The following PCDH7 variants were observed in gnomAD, a reference collection of about 807,000 sequenced individuals.
PCDH7 encodes the protein protocadherin-7.
A neutral mutation model predicts 58.9 loss-of-function variants in PCDH7; 17 were observed. The observed-to-expected ratio is 0.29, with a 90% CI of 0.20 to 0.43. PCDH7 has a LOEUF of 0.43. PCDH7 is among the 20% of genes least tolerant of loss of function. PCDH7 has a pLI of 1.00. For synonymous variants in PCDH7, 664 were observed against 616.4 expected (o/e 1.08, Z -1.14); for missense variants, 1,274 against 1,441.0 (o/e 0.88, Z 1.88).
chr4:30,995,199 T>C (rs1751781564), intron 3 of PCDH7, among the ~76,000 whole-genome samples: 1 of 152,130 alleles, frequency 6.6e-6, no homozygotes, highest in Non-Finnish European at 1.5e-5. Flanking sequence ...TGACAGTTTA[T>C]ACAAATAAGA....
At chr4:30,828,902 T>TC (rs1281877622) in intron 1 of PCDH7, among the ~76,000 whole-genome samples, 2 of 152,082 alleles carry the variant, frequency 1.3e-5, no homozygotes, top group Admixed American at 6.6e-5. Context: ...ATTTCTTAAC[T>TC]CATTTGCAAT....
At chr4:30,878,757 G>A (rs1224355595) in intron 1 of PCDH7, among the ~76,000 whole-genome samples, 2 of 152,078 alleles carry the variant, frequency 1.3e-5, no homozygotes, top group Non-Finnish European at 2.9e-5. Context: ...GGCTGAGGCA[G>A]GAAAATCGCT....
At chr4:31,024,261 G>A (rs1320437073) in intron 3 of PCDH7, among the ~76,000 whole-genome samples, 1 of 152,062 alleles carries the variant, frequency 6.6e-6, no homozygotes, top group African/African-American at 2.4e-5. Context: ...AAAACCTTCA[G>A]GGTAGATATT....
At chr4:31,110,397 G>A (rs1338978819) in intron 3 of PCDH7, among the ~76,000 whole-genome samples, 2 of 152,078 alleles carry the variant, frequency 1.3e-5, no homozygotes, top group Non-Finnish European at 2.9e-5. Context: ...TTCATTTTTA[G>A]TAATCTTTTC....
intron 3 of PCDH7, among the ~76,000 whole-genome samples, chr4:31,004,673 G>C (rs139795811): frequency 6.6e-6 from 1 of 152,112 alleles, no homozygotes; most frequent in Admixed American, 6.6e-5. Flanking sequence ...GCAACAGAGC[G>C]AAACTCTCAT....
chr4:30,895,144 A>T (rs2109388408), intron 1 of PCDH7, among the ~76,000 whole-genome samples: 1 of 148,252 alleles, frequency 6.7e-6, no homozygotes, highest in African/African-American at 2.5e-5. Context: ...GCAAAAAAAA[A>T]ATAATAATAA....
intron 2 of PCDH7, among the ~76,000 whole-genome samples, chr4:30,949,968 G>A (rs1221553063): frequency 6.6e-6 from 1 of 152,108 alleles, no homozygotes; most frequent in African/African-American, 2.4e-5. Flanking sequence ...TGTTTAGATT[G>A]TCTTTGAAAT....
At chr4:31,056,592 A>G (rs899238932) in intron 3 of PCDH7, among the ~76,000 whole-genome samples, 1 of 149,060 alleles carries the variant, frequency 6.7e-6, no homozygotes, top group Non-Finnish European at 1.5e-5. Context: ...GAAGGGAGGA[A>G]GGAAGGAAAG....
chr4:31,033,108 A>T (rs1305710635), intron 3 of PCDH7, among the ~76,000 whole-genome samples: 1 of 152,162 alleles, frequency 6.6e-6, no homozygotes, highest in Admixed American at 6.5e-5. Flanking sequence ...TGATTTTTTT[A>T]TAAGGCAGTT....
chr4:30,939,389 T>C (rs1294290137), intron 2 of PCDH7, among the ~76,000 whole-genome samples: 1 of 152,186 alleles, frequency 6.6e-6, no homozygotes, highest in African/African-American at 2.4e-5. Flanking sequence ...GTGATACTAC[T>C]GGTAATAAAC....
intron 3 of PCDH7, among the ~76,000 whole-genome samples, chr4:30,996,513 T>C (rs1356814698): frequency 1.3e-5 from 2 of 152,122 alleles, no homozygotes; most frequent in East Asian, 3.9e-4. Context: ...TTTCTTCCCC[T>C]CCGAGAGACT....
At chr4:31,102,125 T>C (rs1714968644) in intron 3 of PCDH7, among the ~76,000 whole-genome samples, 1 of 152,122 alleles carries the variant, frequency 6.6e-6, no homozygotes, top group African/African-American at 2.4e-5. Flanking sequence ...ATTGTTACTG[T>C]AAATGAAAAC....
chr4:30,971,626 G>T (rs1192383416), intron 3 of PCDH7, among the ~76,000 whole-genome samples: 1 of 152,160 alleles, frequency 6.6e-6, no homozygotes, highest in Non-Finnish European at 1.5e-5. Context: ...CTTGTCAGTT[G>T]TTTTAGAACA....
chr4:31,040,987 C>T (rs969448362), intron 3 of PCDH7, among the ~76,000 whole-genome samples: 3 of 151,846 alleles, frequency 2.0e-5, no homozygotes, highest in Non-Finnish European at 4.4e-5. Flanking sequence ...AATATTTGTC[C>T]ACTTTCTGAG....
At chr4:30,730,928 T>A in exon 2 of PCDH7, 1 of 1,340,678 alleles carries the variant, frequency 7.5e-7, no homozygotes, top group Non-Finnish European at 9.6e-7. Context: ...TATTTTTGAG[T>A]CTTTTTCTTT....
At chr4:30,995,294 G>A (rs935444166) in intron 3 of PCDH7, among the ~76,000 whole-genome samples, 6 of 152,074 alleles carry the variant, frequency 3.9e-5, no homozygotes, top group African/African-American at 1.4e-4. Context: ...GAGGCAGGAG[G>A]ATCATGAGGT....
rs1425508508 is a variant in PCDH7, at chr4:30,721,436, G to A, written c.14G>A (p.Arg5Gln). Residue 5 changes from arginine to glutamine, a missense_variant, in exon 1 of 2, where the codon CGG becomes CAG. Transcript: ENST00000361762. The surrounding 1 kb of genome is among the most constrained non-coding windows in gnomAD (Gnocchi z 6.7). ...CAGCAGGAGAAGATGCTGAGGATGC[G>A]GACCGCGGGATGGGCGCGCGGCTGG... 8 of 1,521,604 alleles carry A rather than the reference G, an allele frequency of 5.3e-6. No individual in the cohort carries two copies. The Middle Eastern group carries it at 5.3e-4, about 101-fold the overall frequency. 94.3% of individuals were successfully genotyped at this position (1,521,604 alleles called of 1,614,324 possible).
At chr4:30,750,988 A>G (rs1718441727) in intron 1 of PCDH7, among the ~76,000 whole-genome samples, 1 of 152,050 alleles carries the variant, frequency 6.6e-6, no homozygotes, top group Non-Finnish European at 1.5e-5. Flanking sequence ...AAAAAAACGC[A>G]AGACTAAAAA....
At chr4:30,868,208 T>C (rs1735113784) in intron 1 of PCDH7, among the ~76,000 whole-genome samples, 2 of 152,072 alleles carry the variant, frequency 1.3e-5, no homozygotes, top group Non-Finnish European at 1.5e-5. Context: ...GAAATTCCTA[T>C]ATGCCAGGCA....
Sources: gnomAD v4.1 joint callset for allele counts (sites outside exome capture counted in the v4.1 genomes callset) on GRCh38, gnomAD v4.1.1 for gene constraint, Gnocchi (gnomAD v3.1) non-coding constraint, MANE v1.5 for transcripts, NCBI Gene and HGNC (gene_info 2026-07-23, HGNC 2026-07-21) for gene names.